EPHX1: variants seen among roughly 807,000 people sequenced by gnomAD.
The protein encoded by EPHX1 is epoxide hydratase.
EPHX1 carries 40 observed loss-of-function variants against 43.2 expected under a neutral mutation model. That is an observed-to-expected ratio of 0.93 (90% CI 0.72 to 1.21). EPHX1 has a LOEUF of 1.21. Among genes scored for constraint, EPHX1 ranks in the 50% most tolerant of loss-of-function variants. The pLI is 0.00. For synonymous variants in EPHX1, 221 were observed against 226.7 expected (o/e 0.98, Z 0.22); for missense variants, 550 against 570.4 (o/e 0.96, Z 0.36).
rs1668842353 is a variant in EPHX1 at position 225,845,127 on chromosome 1, T to C, written c.1167-19T>C. The C allele has an allele frequency of 1.2e-6, 2 of 1,613,430 alleles. No individual in the cohort carries two copies. The highest frequency in any genetic ancestry group is 1.7e-5 in the Admixed American group (1 of 59,986). On this transcript the variant is annotated intron_variant, in intron 8 of 8. Transcript: ENST00000272167. ...GCAGGGCCACAGCCTCACCCCTCCG[T>C]CGGCTCTTTCACTTCCAGGATGAAG...
rs34868815 is a variant in EPHX1 at position 225,839,366 on chromosome 1, G to GGTGTGTGTGTGTGTGTGT, written c.722+39_722+56dup. ...GCCCAGGTGAGGTCACTGTTGGGGTGGTGTGTGTGTGTGTGTGTGTGTGTG... is the reference window on the plus strand; with the variant it reads ...GCCCAGGTGAGGTCACTGTTGGGGTGGTGTGTGTGTGTGTGTGTGTGTGTGTGTGTGTGTGTGTGTGTG... On this transcript the variant is annotated intron_variant, in intron 5 of 8. Coordinates refer to ENST00000272167, the MANE Select transcript of EPHX1 (RefSeq NM_001136018.4). The GGTGTGTGTGTGTGTGTGT allele has an allele frequency of 1.3e-5, 20 of 1,560,814 alleles. No individual in the cohort carries two copies. The highest frequency in any genetic ancestry group is 3.9e-4 in the Middle Eastern group (2 of 5,102).
intron 3 of EPHX1, among the ~76,000 whole-genome samples, chr1:225,834,943 T>G (rs1338511195): frequency 6.6e-6 from 1 of 152,178 alleles, no homozygotes; most frequent in African/African-American, 2.4e-5. Flanking sequence ...CATAGGCTCT[T>G]CAGGGGCAAT....
At position 225,810,143 on chromosome 1, in the gene EPHX1, C is replaced by T. The variant is rs1462738916; in HGVS notation, c.-32C>T. Reference sequence around the variant, plus strand: ...GGAGCCGGAGAGATCGCGCGCCTGCCGCCGCCGGAGCCTGCGAGCCGAGAC... The same window carrying T: ...GGAGCCGGAGAGATCGCGCGCCTGCTGCCGCCGGAGCCTGCGAGCCGAGAC... On this transcript the variant is annotated 5_prime_UTR_variant, in exon 1 of 9. Transcript: ENST00000272167. 6.6e-6 allele frequency: 1 copy of T among 151,778 alleles called. No individual in the cohort carries two copies. Among genetic ancestry groups the T allele is most frequent in the African/African-American group, 2.4e-5 (1 of 41,398 alleles). 9.4% of individuals were successfully genotyped at this position (151,778 alleles called of 1,614,324 possible). A position where few individuals can be genotyped will look rare whatever the true frequency, so the allele number is the denominator to read the frequency against.
chr1:225,831,813 C>G lies in EPHX1; in HGVS notation c.218C>G (p.Thr73Ser). The G allele has an allele frequency of 6.2e-7, 1 of 1,614,194 alleles. No individual in the cohort carries two copies. Among genetic ancestry groups the G allele is most frequent in the Non-Finnish European group, 8.5e-7 (1 of 1,180,034 alleles). ...LHQRIDKFRF[T>S]PPLEDSCFHY... The stretch of plus-strand genomic sequence containing the variant: ...CAGAGGATCGATAAGTTCCGTTTCA[C>G]CCCACCTTTGGAGGACAGCTGCTTC... Residue 73 changes from threonine (T) to serine (S), a missense_variant, in exon 3 of 9, where the codon ACC becomes AGC. Physicochemically the swap from Thr to Ser is moderately conservative, Grantham distance 58. Transcript: ENST00000272167.
At chr1:225,826,336 C>T (rs991124455) in intron 1 of EPHX1, among the ~76,000 whole-genome samples, 1 of 149,070 alleles carries the variant, frequency 6.7e-6, no homozygotes, top group African/African-American at 2.5e-5. Context: ...TGGTGGTATG[C>T]ACCTGTAATC....
chr1:225,814,576 G>A (rs1666635063), intron 1 of EPHX1, among the ~76,000 whole-genome samples: 1 of 152,174 alleles, frequency 6.6e-6, no homozygotes, highest in Non-Finnish European at 1.5e-5. Context: ...TAGTCCAGGA[G>A]CAGCCTGGAC....
intron 3 of EPHX1, among the ~76,000 whole-genome samples, chr1:225,834,298 G>A (rs1315503225): frequency 2.0e-5 from 3 of 151,580 alleles, no homozygotes; most frequent in African/African-American, 4.9e-5. Flanking sequence ...CCAGCTACTC[G>A]GGAGGCTGAG....
intron 1 of EPHX1, among the ~76,000 whole-genome samples, chr1:225,812,860 G>A (rs953956769): frequency 1.3e-5 from 2 of 152,158 alleles, no homozygotes; most frequent in Admixed American, 1.3e-4. Context: ...GATTCGAGGG[G>A]TGCCTAGGAT....
chr1:225,818,196 C>T (rs1277741589), intron 1 of EPHX1, among the ~76,000 whole-genome samples: 7 of 152,126 alleles, frequency 4.6e-5, no homozygotes, highest in Non-Finnish European at 1.0e-4. Flanking sequence ...TCTTCTTGTT[C>T]AAAAGTTCTG....
At chr1:225,823,792 C>T (rs1259470637) in intron 1 of EPHX1, among the ~76,000 whole-genome samples, 1 of 151,902 alleles carries the variant, frequency 6.6e-6, no homozygotes, top group Non-Finnish European at 1.5e-5. Flanking sequence ...GGGCGATGTT[C>T]GCTTTCACCA....
intron 3 of EPHX1, among the ~76,000 whole-genome samples, chr1:225,838,354 AC>A (rs996850015): frequency 6.6e-6 from 1 of 152,214 alleles, no homozygotes; most frequent in African/African-American, 2.4e-5. Context: ...AGCCCTGGAA[AC>A]CCAGCAGTGG....
chr1:225,841,910 A>G (rs1668463723), intron 6 of EPHX1, among the ~76,000 whole-genome samples: 1 of 152,206 alleles, frequency 6.6e-6, no homozygotes, highest in Non-Finnish European at 1.5e-5. Flanking sequence ...AGCCTGTTCC[A>G]GCCATTTTTA....
chr1:225,836,331 C>T (rs111405593), intron 3 of EPHX1, among the ~76,000 whole-genome samples: 23 of 152,292 alleles, frequency 1.5e-4, no homozygotes, highest in African/African-American at 4.3e-4. Flanking sequence ...TGGTGGCTCA[C>T]GCCAGTAATC....
At chr1:225,810,559 G>C (rs1236443898) in intron 1 of EPHX1, 1 of 152,284 alleles carries the variant, frequency 6.6e-6, no homozygotes, top group East Asian at 1.9e-4. Context: ...TGTCACCCAA[G>C]TCGGAACACT....
chr1:225,839,022 C>A, intron 4 of EPHX1, 141 bp downstream of exon 4: 1 of 1,312,372 alleles, frequency 7.6e-7, no homozygotes. Flanking sequence ...AGAGGCCGGC[C>A]CCAGACACAC....
chr1:225,844,738 G>A, intron 8 of EPHX1, 115 bp downstream of exon 8: 2 of 1,502,322 alleles, frequency 1.3e-6, no homozygotes. Context: ...TTGCCTGCAG[G>A]TGCCCCAGGG....
intron 3 of EPHX1, among the ~76,000 whole-genome samples, chr1:225,835,438 G>A (rs547680508): frequency 3.5e-5 from 5 of 143,480 alleles, no homozygotes; most frequent in African/African-American, 1.3e-4. Context: ...CACCCAGGCT[G>A]GAGTGCAGTG....
chr1:225,815,278 C>T (rs1666668450), intron 1 of EPHX1, among the ~76,000 whole-genome samples: 1 of 137,088 alleles, frequency 7.3e-6, no homozygotes, highest in Admixed American at 7.5e-5. Flanking sequence ...CAGGGTCTGG[C>T]TCTGTTGTCC....
intron 1 of EPHX1, chr1:225,825,462 C>G (rs1250975328): frequency 6.6e-6 from 1 of 152,216 alleles, no homozygotes; most frequent in Non-Finnish European, 1.5e-5. Context: ...GCACTGGGAT[C>G]TTTCTGCCCA....
Sources: allele counts gnomAD v4.1 joint callset (sites outside exome capture counted in the v4.1 genomes callset), GRCh38; gene constraint gnomAD v4.1.1; transcripts MANE v1.5; gene names NCBI Gene and HGNC (gene_info 2026-07-23, HGNC 2026-07-21).